The following BRAF variants were observed in gnomAD, a reference collection of about 807,000 sequenced individuals.
The protein encoded by BRAF is B-Raf proto-oncogene, serine/threonine kinase.
BRAF carries 16 observed loss-of-function variants against 104.6 expected under a neutral mutation model. The observed-to-expected ratio is 0.15, with a 90% CI of 0.10 to 0.23. BRAF has a LOEUF of 0.23. BRAF is among the 10% of genes least tolerant of loss of function. BRAF has a pLI of 1.00. For missense variants in BRAF, 541 were observed against 937.3 expected (o/e 0.58, Z 5.52); for synonymous variants, 310 against 341.6 (o/e 0.91, Z 1.02).
chr7:140,911,542 GT>G (rs1816980209), intron 1 of BRAF, among the ~76,000 whole-genome samples: 1 of 152,188 alleles, frequency 6.6e-6, no homozygotes, highest in African/African-American at 2.4e-5. Flanking sequence ...TTGGAAAGAG[GT>G]TAAGAAAAGC....
chr7:140,881,405 G>A (rs1234401573), intron 1 of BRAF, among the ~76,000 whole-genome samples: 2 of 152,096 alleles, frequency 1.3e-5, no homozygotes, highest in Non-Finnish European at 2.9e-5. Context: ...CAGCAATTAG[G>A]CTGTTTTGCT....
intron 19 of BRAF, among the ~76,000 whole-genome samples, chr7:140,729,638 T>A (rs1315590009): frequency 6.6e-6 from 1 of 151,392 alleles, no homozygotes; most frequent in Non-Finnish European, 1.5e-5. Context: ...AAAAATTACG[T>A]GTGGTGCCAC....
chr7:140,919,634 T>C (rs934551775), intron 1 of BRAF, among the ~76,000 whole-genome samples: 26 of 151,664 alleles, frequency 1.7e-4, no homozygotes, highest in Admixed American at 8.5e-4. Flanking sequence ...AATCGAAAAA[T>C]AAAAACATGG....
chr7:140,728,271 T>G (rs1190767693), intron 19 of BRAF, among the ~76,000 whole-genome samples: 1 of 152,176 alleles, frequency 6.6e-6, no homozygotes, highest in African/African-American at 2.4e-5. Context: ...GTAACTTGCC[T>G]GAGATCATAT....
In BRAF at chr7:140,907,246, A is replaced by T. The variant is rs536843727; in HGVS notation, c.138+17320T>A. ...TTTCTATTTGGTTTTTTGCAAATCTATTAAGTTGGGTTTTTCCCCCCCTTT... is the reference window on the plus strand; with the variant it reads ...TTTCTATTTGGTTTTTTGCAAATCTTTTAAGTTGGGTTTTTCCCCCCCTTT... On this transcript the variant is annotated intron_variant, in intron 1 of 19. Transcript: ENST00000644969. 2.0e-5 allele frequency among the ~76,000 whole-genome samples: 3 copies of T among 152,230 alleles called. No individual in the cohort carries two copies. The South Asian group carries it at 6.2e-4, about 32-fold the overall frequency.
chr7:140,818,938 C>G (rs1805180368), intron 3 of BRAF, among the ~76,000 whole-genome samples: 1 of 152,148 alleles, frequency 6.6e-6, no homozygotes. Flanking sequence ...TAGGAATAAA[C>G]TTAAAAACAA....
chr7:140,762,515 C>T (rs1586056610), intron 14 of BRAF, among the ~76,000 whole-genome samples: 2 of 148,738 alleles, frequency 1.3e-5, no homozygotes, highest in East Asian at 4.0e-4. Context: ...CAAAAGCTAG[C>T]AGAAGGCAAG....
chr7:140,791,138 C>CA (rs997400976), intron 8 of BRAF, among the ~76,000 whole-genome samples: 2 of 151,402 alleles, frequency 1.3e-5, no homozygotes, highest in Non-Finnish European at 3.0e-5. Flanking sequence ...CCCGAAAAAC[C>CA]AAAAAAAATT....
At chr7:140,921,905 A>C (rs1025256284) in intron 1 of BRAF, among the ~76,000 whole-genome samples, 1 of 152,168 alleles carries the variant, frequency 6.6e-6, no homozygotes, top group African/African-American at 2.4e-5. Flanking sequence ...TGTAATTTGC[A>C]GTAAAAGATC....
intron 2 of BRAF, among the ~76,000 whole-genome samples, chr7:140,846,954 G>C (rs1009696881): frequency 1.4e-4 from 21 of 152,054 alleles, no homozygotes; most frequent in Non-Finnish European, 2.5e-4. Flanking sequence ...TCAGGAGTTT[G>C]AGACAAGCCT....
At chr7:140,718,827 T>C (rs1795195397), downstream of BRAF, among the ~76,000 whole-genome samples, 1 of 152,014 alleles carries the variant, frequency 6.6e-6, no homozygotes, top group Admixed American at 6.6e-5. Context: ...ATGCAGAAAA[T>C]CAACTCACTG....
At chr7:140,905,474 G>T (rs1816199592) in intron 1 of BRAF, among the ~76,000 whole-genome samples, 1 of 152,122 alleles carries the variant, frequency 6.6e-6, no homozygotes, top group African/African-American at 2.4e-5. Flanking sequence ...AATATGCATG[G>T]TATGTCTTAT....
chr7:140,875,421 G>C lies in BRAF; in HGVS notation c.139-25209C>G, dbSNP rs189111931. Reference sequence around the variant, plus strand: ...GATAGCATCTTGCTCTGTCGCCCAGGCTGGAGTACAATGGCGTGATCTCAG... The same window carrying C: ...GATAGCATCTTGCTCTGTCGCCCAGCCTGGAGTACAATGGCGTGATCTCAG... On this transcript the variant is annotated intron_variant, in intron 1 of 19. Transcript: ENST00000644969. 2.0e-5 allele frequency among the ~76,000 whole-genome samples: 3 copies of C among 152,308 alleles called. No homozygotes were observed. In the East Asian group the frequency reaches 5.8e-4, roughly 29 times the overall value.
At chr7:140,733,016 C>T (rs186480796) in intron 19 of BRAF, 3 of 152,042 alleles carry the variant, frequency 2.0e-5, no homozygotes, top group Admixed American at 2.0e-4. Context: ...TTCTTTATTC[C>T]TTAGTATCAT....
chr7:140,887,880 AT>A (rs543315481), intron 1 of BRAF, among the ~76,000 whole-genome samples: 17,458 of 140,778 alleles, frequency 0.12, 1,340 homozygotes, highest in African/African-American at 0.24. Flanking sequence ...TGCTCGTTTA[AT>A]TTTTTTTTTT....
At chr7:140,815,475 A>C (rs2129051954) in intron 3 of BRAF, among the ~76,000 whole-genome samples, 2 of 123,266 alleles carry the variant, frequency 1.6e-5, no homozygotes, top group Admixed American at 9.5e-5. Flanking sequence ...TTGCTCTGCC[A>C]CCCAGGCTTG....
intron 5 of BRAF, among the ~76,000 whole-genome samples, chr7:140,805,854 C>A (rs1298365008): frequency 1.3e-5 from 2 of 152,208 alleles, no homozygotes; most frequent in African/African-American, 4.8e-5. Context: ...GCCAAGAACA[C>A]TTTTCCTTTC....
chr7:140,901,453 G>A (rs1815622000), intron 1 of BRAF, among the ~76,000 whole-genome samples: 1 of 152,124 alleles, frequency 6.6e-6, no homozygotes. Context: ...CTACCTTATT[G>A]TTTTTAAAGT....
chr7:140,905,520 T>C (rs889679881), intron 1 of BRAF, among the ~76,000 whole-genome samples: 1 of 152,214 alleles, frequency 6.6e-6, no homozygotes, highest in African/African-American at 2.4e-5. Flanking sequence ...TATTCTTAGG[T>C]TTCAGATATG....
Sources: allele counts gnomAD v4.1 joint callset (sites outside exome capture counted in the v4.1 genomes callset), GRCh38; gene constraint gnomAD v4.1.1; transcripts MANE v1.5; gene names NCBI Gene and HGNC (gene_info 2026-07-23, HGNC 2026-07-21).